COL19A1: variants seen among roughly 807,000 people sequenced by gnomAD.
COL19A1 encodes collagen alpha-1(XIX) chain.
In COL19A1, 159 loss-of-function variants were observed where a neutral mutation model predicts 190.2. The observed-to-expected ratio is 0.84, with a 90% CI of 0.73 to 0.95. The LOEUF (loss-of-function observed/expected upper bound fraction) is 0.95. COL19A1 is among the 40% of genes least tolerant of loss of function. The pLI, the probability that COL19A1 is intolerant of heterozygous loss-of-function variation, is 0.00. For synonymous variants in COL19A1, 509 were observed against 458.9 expected, an observed-to-expected ratio of 1.11 and a Z score of -1.39; for missense variants, 1,418 against 1,431.9, an observed-to-expected ratio of 0.99 and a Z score of 0.16.
chr6:70,207,334 T>A lies in COL19A1; in HGVS notation c.*60T>A. 1 of 1,365,428 alleles carries A rather than the reference T, an allele frequency of 7.3e-7. No individual in the cohort carries two copies. Among genetic ancestry groups the A allele is most frequent in the Non-Finnish European group, 1.0e-6 (1 of 1,002,844 alleles). 84.6% of individuals were successfully genotyped at this position (1,365,428 alleles called of 1,614,324 possible). The stretch of plus-strand genomic sequence containing the variant: ...TTCCTTGCCACTGGAGCTCTCTTAA[T>A]ACCGTCAAACCCTCATCATCTGTGG... On this transcript the variant is annotated 3_prime_UTR_variant, in exon 51 of 51. Transcript: ENST00000620364.
At chr6:70,161,856 C>T in intron 34 of COL19A1, 44 bp from the exon 35 acceptor site, 1 of 1,532,780 alleles carries the variant, frequency 6.5e-7, no homozygotes, top group Non-Finnish European at 8.9e-7. Context: ...ATGCCTTCTT[C>T]CCAATGATAT....
chr6:70,116,157 G>A (rs951559461), intron 16 of COL19A1, among the ~76,000 whole-genome samples: 1 of 151,980 alleles, frequency 6.6e-6, no homozygotes, highest in South Asian at 2.1e-4. Context: ...CTACTTAACT[G>A]GAGCTCACTA....
In COL19A1 at chr6:70,121,960, C is replaced by A. The variant is rs771290430; in HGVS notation, c.1341+18C>A. The A allele has an allele frequency of 1.7e-5, 26 of 1,487,234 alleles. No individual in the cohort carries two copies. Among genetic ancestry groups the A allele is most frequent in the Middle Eastern group, 4.2e-4 (2 of 4,710 alleles). The allele number at this position is 1,487,234 out of a possible 1,614,324, so 92.1% of individuals were successfully genotyped here. On this transcript the variant is annotated intron_variant, in intron 17 of 50. Coordinates refer to ENST00000620364, the MANE Select transcript of COL19A1 (RefSeq NM_001858.6). ...ATAACAAGGTATGGCTTCTTTTTTCCCATAATTTATAATACATAGAAATTT... is the reference window on the plus strand; with the variant it reads ...ATAACAAGGTATGGCTTCTTTTTTCACATAATTTATAATACATAGAAATTT...
At chr6:69,879,160 T>C (rs2149943032) in intron 1 of COL19A1, among the ~76,000 whole-genome samples, 1 of 152,344 alleles carries the variant, frequency 6.6e-6, no homozygotes, top group Middle Eastern at 3.4e-3. Flanking sequence ...TTAATTCCAC[T>C]GAACTTTGTA....
chr6:70,096,283 G>A (rs969625215), intron 15 of COL19A1, among the ~76,000 whole-genome samples: 7 of 150,112 alleles, frequency 4.7e-5, no homozygotes, highest in Admixed American at 2.0e-4. Flanking sequence ...TTTTAGAAAC[G>A]GGGTTTTGCC....
intron 2 of COL19A1, among the ~76,000 whole-genome samples, chr6:69,881,969 C>T (rs1768588075): frequency 6.6e-6 from 1 of 152,144 alleles, no homozygotes; most frequent in African/African-American, 2.4e-5. Context: ...TTTTTAGTTT[C>T]CTCATGTGCA....
chr6:70,091,059 T>C (rs1245964504), intron 15 of COL19A1, among the ~76,000 whole-genome samples: 1 of 152,208 alleles, frequency 6.6e-6, no homozygotes, highest in Non-Finnish European at 1.5e-5. Context: ...TGTATAACTC[T>C]GTACTGCCTT....
chr6:69,880,487 G>C (rs572337025), intron 2 of COL19A1, among the ~76,000 whole-genome samples: 1 of 152,106 alleles, frequency 6.6e-6, no homozygotes, highest in Non-Finnish European at 1.5e-5. Flanking sequence ...GTATTATTGT[G>C]CCTATTGTTT....
intron 11 of COL19A1, among the ~76,000 whole-genome samples, chr6:69,966,740 C>G (rs1445003496): frequency 6.0e-4 from 90 of 150,458 alleles, no homozygotes; most frequent in African/African-American, 2.2e-3. Flanking sequence ...ATCCCCCTCT[C>G]TGAGAAACAC....
chr6:70,196,623 T>C (rs1466580677), intron 48 of COL19A1, among the ~76,000 whole-genome samples: 1 of 152,238 alleles, frequency 6.6e-6, no homozygotes, highest in East Asian at 1.9e-4. Flanking sequence ...GTCTGTATTA[T>C]ATTAAGGAGC....
At chr6:70,022,214 G>C (rs1459491610) in intron 11 of COL19A1, among the ~76,000 whole-genome samples, 1 of 152,170 alleles carries the variant, frequency 6.6e-6, no homozygotes, top group Admixed American at 6.5e-5. Context: ...ATAAGGCAAA[G>C]ATTATTACTA....
At position 69,936,770 on chromosome 6, in the gene COL19A1, C is replaced by G; in HGVS notation, c.748-15C>G. On this transcript the variant is annotated splice_polypyrimidine_tract_variant and intron_variant, in intron 7 of 50. Coordinates refer to ENST00000620364, the MANE Select transcript of COL19A1 (RefSeq NM_001858.6). ...GAATTGACCCCATTTCCTAAAGCCT[C>G]TTTTTGGATTTTAGTGCCCAGAGCA... The G allele has an allele frequency of 6.2e-7, 1 of 1,611,778 alleles. No homozygotes were observed. The highest frequency in any genetic ancestry group is 8.5e-7 in the Non-Finnish European group (1 of 1,178,500).
At chr6:70,009,200 G>A (rs1460168837) in intron 11 of COL19A1, among the ~76,000 whole-genome samples, 1 of 151,902 alleles carries the variant, frequency 6.6e-6, no homozygotes, top group Non-Finnish European at 1.5e-5. Flanking sequence ...AAATGGAAGA[G>A]AAGAAGAAAG....
intron 15 of COL19A1, among the ~76,000 whole-genome samples, chr6:70,092,358 T>C (rs1450194419): frequency 6.6e-6 from 1 of 152,176 alleles, no homozygotes; most frequent in African/African-American, 2.4e-5. Context: ...TGAACAAGTC[T>C]GTCTAAATGC....
At chr6:70,038,030 G>A (rs2150120223) in intron 14 of COL19A1, among the ~76,000 whole-genome samples, 1 of 152,148 alleles carries the variant, frequency 6.6e-6, no homozygotes, top group African/African-American at 2.4e-5. Context: ...CTACAAAATA[G>A]GGATAAACTA....
intron 19 of COL19A1, among the ~76,000 whole-genome samples, chr6:70,138,541 C>T (rs890433526): frequency 5.3e-5 from 8 of 152,034 alleles, no homozygotes; most frequent in African/African-American, 1.7e-4. Flanking sequence ...ACCACTCTAC[C>T]CCTTTCTTTA....
chr6:69,921,523 T>TATATATTC (rs1561998898), intron 4 of COL19A1, among the ~76,000 whole-genome samples: 5 of 124,008 alleles, frequency 4.0e-5, no homozygotes, highest in African/African-American at 1.2e-4. Flanking sequence ...TGTATATTCA[T>TATATATTC]ATATATTCAT....
intron 4 of COL19A1, among the ~76,000 whole-genome samples, chr6:69,922,732 C>A (rs536492076): frequency 6.6e-6 from 1 of 152,116 alleles, no homozygotes; most frequent in South Asian, 2.1e-4. Flanking sequence ...CTGCCCGCCT[C>A]GGCCTCCCAA....
intron 9 of COL19A1, among the ~76,000 whole-genome samples, chr6:69,953,194 G>T (rs1774220535): frequency 6.6e-6 from 1 of 151,882 alleles, no homozygotes; most frequent in South Asian, 2.1e-4. Flanking sequence ...AAATTGTTAG[G>T]CTTTATAAAA....
Sources: allele counts gnomAD v4.1 joint callset (sites outside exome capture counted in the v4.1 genomes callset), GRCh38; gene constraint gnomAD v4.1.1; transcripts MANE v1.5; gene names NCBI Gene and HGNC (gene_info 2026-07-23, HGNC 2026-07-21).